The following HPSE2 variants were observed in gnomAD, a reference collection of about 807,000 sequenced individuals.
The protein encoded by HPSE2 is inactive heparanase-2.
In HPSE2, 38 loss-of-function variants were observed where a neutral mutation model predicts 60.5. The ratio of observed to expected loss-of-function variants is 0.63; its 90% CI spans 0.48 to 0.82. The LOEUF (loss-of-function observed/expected upper bound fraction) is 0.82, where lower values mean the gene tolerates loss of function less well. Among genes scored for constraint, HPSE2 ranks in the 40% least tolerant of loss-of-function variants. The pLI is 0.00. For missense variants in HPSE2, 713 were observed against 740.4 expected, an observed-to-expected ratio of 0.96 and a Z score of 0.43; for synonymous variants, 295 against 293.2, an observed-to-expected ratio of 1.01 and a Z score of -0.06.
chr10:99,050,129 T>C (rs1462775933), intron 3 of HPSE2, among the ~76,000 whole-genome samples: 1 of 152,024 alleles, frequency 6.6e-6, no homozygotes, highest in Non-Finnish European at 1.5e-5. Flanking sequence ...TGAGACCTCA[T>C]CTCTACAAAA....
intron 3 of HPSE2, among the ~76,000 whole-genome samples, chr10:99,031,126 A>G (rs1283732534): frequency 6.6e-6 from 1 of 152,200 alleles, no homozygotes; most frequent in African/African-American, 2.4e-5. Context: ...ACATTTTAAA[A>G]TAACTAAGAG....
At chr10:99,302,784 T>C in the HPSE2 span, among the ~76,000 whole-genome samples, 2 of 151,760 alleles carry the variant, frequency 1.3e-5, no homozygotes. Flanking sequence ...CACCAAGGCC[T>C]ATGAACTTTG....
chr10:99,246,987 T>TA, the HPSE2 span, among the ~76,000 whole-genome samples: 821 of 152,058 alleles, frequency 5.4e-3, 6 homozygotes, highest in African/African-American at 0.019. Context: ...AAAACAAAAA[T>TA]AATCATACCC....
At chr10:99,047,296 C>T (rs1301793127) in intron 3 of HPSE2, among the ~76,000 whole-genome samples, 1 of 152,132 alleles carries the variant, frequency 6.6e-6, no homozygotes, top group African/African-American at 2.4e-5. Context: ...TAGACCCTTA[C>T]CTTTCACCAT....
At chr10:98,641,984 G>A (rs765194438) in intron 6 of HPSE2, 44 bp from the exon 7 acceptor site, 14 of 1,527,122 alleles carry the variant, frequency 9.2e-6, no homozygotes, top group African/African-American at 1.4e-5. Context: ...TCTCAAGCAA[G>A]GGATTATAAA....
At chr10:99,261,814 C>T in the HPSE2 span, among the ~76,000 whole-genome samples, 1 of 152,124 alleles carries the variant, frequency 6.6e-6, no homozygotes, top group African/African-American at 2.4e-5. Context: ...AACGCCTGAA[C>T]CACAGCAGTC....
chr10:99,067,358 G>C (rs1488198263), intron 3 of HPSE2, among the ~76,000 whole-genome samples: 2 of 152,186 alleles, frequency 1.3e-5, no homozygotes, highest in Non-Finnish European at 2.9e-5. Flanking sequence ...CTGTGTGGGG[G>C]CTCTGACCCC....
intron 2 of HPSE2, among the ~76,000 whole-genome samples, chr10:99,187,946 G>A (rs1481676105): frequency 1.3e-5 from 2 of 152,202 alleles, no homozygotes; most frequent in Non-Finnish European, 2.9e-5. Flanking sequence ...CTTCATAGCA[G>A]TTTTATTCAT....
In HPSE2 at chr10:98,893,441, C is replaced by T. The variant is rs769872609; in HGVS notation, c.611-149385G>A. ...ACAGTAACAAAGCCAGTAAACATAT[C>T]CCTTTTTCCTAAAGATAAAAGAGTA... On this transcript the variant is annotated intron_variant, in intron 3 of 11. Coordinates refer to ENST00000370552, the MANE Select transcript of HPSE2 (RefSeq NM_021828.5). 1.4e-3 allele frequency among the ~76,000 whole-genome samples: 220 copies of T among 152,096 alleles called. 1 individual carries two copies. Among genetic ancestry groups the T allele is most frequent in the Admixed American group, 3.3e-3 (50 of 15,246 alleles).
chr10:98,863,610 C>T (rs1476075215), intron 3 of HPSE2, among the ~76,000 whole-genome samples: 1 of 152,098 alleles, frequency 6.6e-6, no homozygotes, highest in Non-Finnish European at 1.5e-5. Context: ...AGAAAGGGAT[C>T]GTCTCAGAGA....
the HPSE2 span, among the ~76,000 whole-genome samples, chr10:99,264,434 G>T: frequency 6.6e-6 from 1 of 151,984 alleles, no homozygotes; most frequent in South Asian, 2.1e-4. Context: ...TGCTGGCTTT[G>T]CATTTCTCTT....
At chr10:98,826,914 A>G (rs958481037) in intron 3 of HPSE2, among the ~76,000 whole-genome samples, 3 of 152,080 alleles carry the variant, frequency 2.0e-5, no homozygotes, top group Non-Finnish European at 4.4e-5. Flanking sequence ...TTGGGAGGCC[A>G]GGGCAGGAGG....
chr10:98,766,573 A>C (rs916682726), intron 3 of HPSE2, among the ~76,000 whole-genome samples: 6 of 152,202 alleles, frequency 3.9e-5, no homozygotes, highest in Admixed American at 2.6e-4. Context: ...ATGTAAGGAA[A>C]AATAACACAA....
At chr10:98,771,900 G>A (rs1023393873) in intron 3 of HPSE2, among the ~76,000 whole-genome samples, 5 of 152,156 alleles carry the variant, frequency 3.3e-5, no homozygotes, top group Non-Finnish European at 7.3e-5. Flanking sequence ...TGAAGGAAGT[G>A]GTTGGAATGG....
At chr10:99,209,225 T>C (rs758211372) in intron 2 of HPSE2, among the ~76,000 whole-genome samples, 5 of 152,270 alleles carry the variant, frequency 3.3e-5, no homozygotes, top group East Asian at 1.9e-4. Context: ...TTCTCCAGGA[T>C]TGGTCATATA....
Position 99,129,710 on chromosome 10 carries a change from A to T in HPSE2, c.610+14528T>A, listed in dbSNP as rs143648596. Among the ~76,000 whole-genome samples, 183 of 151,648 alleles carry T rather than the reference A, an allele frequency of 1.2e-3. 4 individuals are homozygous for T. In the East Asian group the frequency reaches 0.032, roughly 27 times the overall value. ...AAAGAGTACAAATAAACAATCTAAGATCATACTTCAAGGAACTAGAGAAAC... is the reference window on the plus strand; with the variant it reads ...AAAGAGTACAAATAAACAATCTAAGTTCATACTTCAAGGAACTAGAGAAAC... On this transcript the variant is annotated intron_variant, in intron 3 of 11. Transcript: ENST00000370552.
chr10:98,539,444 C>G (rs867570449), intron 9 of HPSE2, among the ~76,000 whole-genome samples: 9 of 152,206 alleles, frequency 5.9e-5, no homozygotes, highest in Middle Eastern at 3.4e-3. Context: ...TAGCTTGAAC[C>G]CGGGAGGCGG....
chr10:99,049,364 CAG>C (rs1433918565), intron 3 of HPSE2, among the ~76,000 whole-genome samples: 5 of 151,912 alleles, frequency 3.3e-5, no homozygotes, highest in South Asian at 2.1e-4. Flanking sequence ...TTTGAAGAAA[CAG>C]GGGCTGAAAG....
At chr10:99,215,916 A>C (rs1589831279) in intron 2 of HPSE2, among the ~76,000 whole-genome samples, 2 of 152,228 alleles carry the variant, frequency 1.3e-5, no homozygotes, top group South Asian at 4.1e-4. Context: ...TTCTATCTCA[A>C]TAAAGCTGTT....
Sources: allele counts gnomAD v4.1 joint callset (sites outside exome capture counted in the v4.1 genomes callset), GRCh38; gene constraint gnomAD v4.1.1; transcripts MANE v1.5; gene names NCBI Gene and HGNC (gene_info 2026-07-23, HGNC 2026-07-21).